TENM3: variants seen among roughly 807,000 people sequenced by gnomAD.
TENM3 encodes teneurin transmembrane protein 3, also known as teneurin-3.
In TENM3, 63 loss-of-function variants were observed where a neutral mutation model predicts 255.1. The ratio of observed to expected loss-of-function variants is 0.25; its 90% CI spans 0.20 to 0.30. The LOEUF (loss-of-function observed/expected upper bound fraction) is 0.30, where lower values mean the gene tolerates loss of function less well. Among genes scored for constraint, TENM3 ranks in the 10% least tolerant of loss-of-function variants. The pLI is 1.00. For synonymous variants in TENM3, 1,306 were observed against 1,322.3 expected, an observed-to-expected ratio of 0.99 and a Z score of 0.27; for missense variants, 2,929 against 3,461.1, an observed-to-expected ratio of 0.85 and a Z score of 3.86.
chr4:181,913,055 C>A, the TENM3 span, among the ~76,000 whole-genome samples: 1 of 152,070 alleles, frequency 6.6e-6, no homozygotes, highest in Admixed American at 6.6e-5. Context: ...AGAAAGGATA[C>A]TTGAATACAT....
At chr4:182,099,608 CA>C in the TENM3 span, among the ~76,000 whole-genome samples, 2 of 152,140 alleles carry the variant, frequency 1.3e-5, no homozygotes, top group African/African-American at 4.8e-5. Flanking sequence ...TATTGGAACA[CA>C]GCCACACCAA....
chr4:181,613,287 T>C, the TENM3 span, among the ~76,000 whole-genome samples: 1 of 152,278 alleles, frequency 6.6e-6, no homozygotes, highest in South Asian at 2.1e-4. Context: ...TTGAGACATG[T>C]TTTCTGCCAA....
At chr4:181,567,902 A>T in the TENM3 span, among the ~76,000 whole-genome samples, 1 of 152,290 alleles carries the variant, frequency 6.6e-6, no homozygotes, top group Non-Finnish European at 1.5e-5. Context: ...TGTGGAGCTC[A>T]TATCTTCATC....
intron 3 of TENM3, among the ~76,000 whole-genome samples, chr4:182,476,280 C>CT (rs1473290570): frequency 5.3e-5 from 8 of 152,054 alleles, no homozygotes; most frequent in African/African-American, 1.9e-4. Context: ...AGATGTATTT[C>CT]TTTTTTCATC....
chr4:182,614,310 C>A (rs1403299072), intron 4 of TENM3, among the ~76,000 whole-genome samples: 1 of 151,928 alleles, frequency 6.6e-6, no homozygotes, highest in African/African-American at 2.4e-5. Context: ...AGTATTAATA[C>A]CTTTATATTA....
rs187587783 is a variant in TENM3, at chr4:182,545,973, T to C, written c.512-54951T>C. Among the ~76,000 whole-genome samples the C allele has an allele frequency of 9.7e-4, 148 of 152,344 alleles. 1 individual carries two copies. Among genetic ancestry groups the C allele is most frequent in the Non-Finnish European group, 1.6e-3 (109 of 68,032 alleles). The stretch of plus-strand genomic sequence containing the variant: ...GAAGCCTTACCGATCAACAGTCGAT[T>C]AACACATATTTGGCATGTTGTATGT... On this transcript the variant is annotated intron_variant, in intron 3 of 27. Coordinates refer to ENST00000511685, the MANE Select transcript of TENM3 (RefSeq NM_001080477.4).
At chr4:181,558,443 G>T in the TENM3 span, among the ~76,000 whole-genome samples, 1 of 152,202 alleles carries the variant, frequency 6.6e-6, no homozygotes, top group Non-Finnish European at 1.5e-5. Context: ...AATGTGGATC[G>T]TGACATGGGT....
chr4:182,209,066 C>T (rs1047105804), intron 1 of TENM3, among the ~76,000 whole-genome samples: 13 of 151,448 alleles, frequency 8.6e-5, no homozygotes, highest in Non-Finnish European at 1.6e-4. Context: ...CCTCTGCGTT[C>T]AAGCCATTCT....
chr4:182,203,442 C>G (rs1754337851), intron 1 of TENM3, among the ~76,000 whole-genome samples: 2 of 152,150 alleles, frequency 1.3e-5, no homozygotes, highest in South Asian at 2.1e-4. Context: ...GTTGATTTCT[C>G]AAAGAACAGA....
At chr4:181,479,476 CTT>C in the TENM3 span, among the ~76,000 whole-genome samples, 1 of 152,176 alleles carries the variant, frequency 6.6e-6, no homozygotes, top group African/African-American at 2.4e-5. Context: ...GTTAAAATCA[CTT>C]TATTAAAATC....
intron 3 of TENM3, among the ~76,000 whole-genome samples, chr4:182,592,071 T>C (rs1049675236): frequency 7.2e-5 from 11 of 151,926 alleles, no homozygotes; most frequent in Admixed American, 7.2e-4. Context: ...TTAATGGTAA[T>C]TTACTGTTTT....
At chr4:181,949,367 G>A in the TENM3 span, among the ~76,000 whole-genome samples, 2,174 of 152,290 alleles carry the variant, frequency 0.014, 46 homozygotes, top group Non-Finnish European at 0.025. Flanking sequence ...GAAGACTAGG[G>A]ATGGAAAGAA....
chr4:182,019,705 G>A, the TENM3 span, among the ~76,000 whole-genome samples: 3 of 152,082 alleles, frequency 2.0e-5, no homozygotes, highest in African/African-American at 7.2e-5. Context: ...TTGAGACAGG[G>A]TCTTGCTCTG....
the TENM3 span, among the ~76,000 whole-genome samples, chr4:181,822,351 T>C: frequency 6.6e-6 from 1 of 152,242 alleles, no homozygotes; most frequent in Non-Finnish European, 1.5e-5. Context: ...TAATGGAGAC[T>C]GCATAATTGA....
intron 19 of TENM3, among the ~76,000 whole-genome samples, chr4:182,743,826 G>A (rs545354533): frequency 2.0e-5 from 3 of 152,188 alleles, no homozygotes; most frequent in African/African-American, 7.2e-5. Context: ...ATGGACTAAG[G>A]CTACAACTTT....
Position 182,372,098 on chromosome 4 carries a change from T to G in TENM3, c.511+25169T>G, listed in dbSNP as rs1312004486. ...TCTCATTAACAAAAATAACTTGCTATACATTGCAAATATACTTCCAGTTAG... is the reference window on the plus strand; with the variant it reads ...TCTCATTAACAAAAATAACTTGCTAGACATTGCAAATATACTTCCAGTTAG... On this transcript the variant is annotated intron_variant, in intron 3 of 27. Transcript: ENST00000511685. Among the ~76,000 whole-genome samples the G allele has an allele frequency of 3.9e-5, 6 of 152,186 alleles. No individual in the cohort carries two copies. In the East Asian group the frequency reaches 9.6e-4, roughly 24 times the overall value.
intron 2 of TENM3, among the ~76,000 whole-genome samples, chr4:182,335,669 A>G (rs1764089584): frequency 6.6e-6 from 1 of 152,078 alleles, no homozygotes; most frequent in Non-Finnish European, 1.5e-5. Flanking sequence ...CAGAAAACCC[A>G]GAAGAAAAGA....
At chr4:181,888,540 ATATATATATGTATATATATACATATATG>A in the TENM3 span, among the ~76,000 whole-genome samples, 1 of 121,686 alleles carries the variant, frequency 8.2e-6, no homozygotes, top group Non-Finnish European at 1.7e-5. Context: ...ATATGTGTAT[ATATATATATGTATATATATACATATATG>A]TATATATATA....
the TENM3 span, among the ~76,000 whole-genome samples, chr4:181,889,233 G>A: frequency 6.6e-6 from 1 of 152,090 alleles, no homozygotes. Context: ...CCATCCTCGT[G>A]GTGATGCGTG....
Sources: allele counts gnomAD v4.1 joint callset (sites outside exome capture counted in the v4.1 genomes callset), GRCh38; gene constraint gnomAD v4.1.1; transcripts MANE v1.5; gene names NCBI Gene and HGNC (gene_info 2026-07-23, HGNC 2026-07-21).